Variants in NIPAL4 observed in about 807,000 individuals in gnomAD.
NIPAL4 encodes the protein NIPA like domain containing 4, also known as magnesium transporter NIPA4.
A neutral mutation model predicts 31.6 loss-of-function variants in NIPAL4; 21 were observed. The observed-to-expected ratio is 0.67, with a 90% confidence interval of 0.47 to 0.96. The LOEUF (loss-of-function observed/expected upper bound fraction) is 0.96. Ranked by LOEUF, NIPAL4 falls within the 40% of genes least tolerant of loss-of-function variation. The pLI, the probability that NIPAL4 is intolerant of heterozygous loss-of-function variation, is 0.00. For missense variants in NIPAL4, 438 were observed against 508.0 expected (o/e 0.86, Z 1.32); for synonymous variants, 175 against 211.1 (o/e 0.83, Z 1.48).
intron 4 of NIPAL4, 112 bp from the exon 5 acceptor site, chr5:157,471,545 T>C (rs1396189953): frequency 2.5e-6 from 2 of 790,298 alleles, no homozygotes; most frequent in Non-Finnish European, 3.9e-6. Flanking sequence ...CGTGAGAAAC[T>C]AGTGAGTTCT....
At chr5:157,468,135 G>A (rs1008887060) in intron 3 of NIPAL4, among the ~76,000 whole-genome samples, 2 of 150,004 alleles carry the variant, frequency 1.3e-5, no homozygotes, top group African/African-American at 4.9e-5. Flanking sequence ...GGCTGGTCTC[G>A]AACTCCCGAC....
chr5:157,463,040 A>T, intron 1 of NIPAL4, 54 bp from the exon 2 acceptor site: 5 of 1,604,104 alleles, frequency 3.1e-6, no homozygotes, highest in Admixed American at 1.7e-5. Context: ...CCAATATTTT[A>T]AAAGTGTGCA....
intron 1 of NIPAL4, among the ~76,000 whole-genome samples, chr5:157,462,705 A>G (rs989321530): frequency 7.2e-5 from 11 of 152,224 alleles, no homozygotes; most frequent in African/African-American, 2.4e-4. Flanking sequence ...AGCCTATAAA[A>G]GATTGTTGTG....
At chr5:157,460,686 T>C (rs1754075780) in intron 1 of NIPAL4, 1 of 552,738 alleles carries the variant, frequency 1.8e-6, no homozygotes, top group Non-Finnish European at 3.5e-6. Context: ...GTGTTTTTAA[T>C]GTGTAGTTGC....
chr5:157,460,569 A>C lies in NIPAL4; in HGVS notation c.37+212A>C, dbSNP rs981355643. 4.5e-6 allele frequency: 3 copies of C among 669,278 alleles called. No individual in the cohort carries two copies. In the African/African-American group the frequency reaches 5.4e-5, roughly 12 times the overall value. 41.5% of individuals were successfully genotyped at this position (669,278 alleles called of 1,614,324 possible). A position where few individuals can be genotyped will look rare whatever the true frequency, so the allele number is the denominator to read the frequency against. On this transcript the variant is annotated intron_variant, in intron 1 of 5. Transcript: ENST00000311946. The stretch of plus-strand genomic sequence containing the variant: ...GCAGCTGGGATGGCTGAGAGGAGTC[A>C]GGGAAGGAAAGTATGTCCCCTGGGT...
At position 157,460,274 on chromosome 5, in the gene NIPAL4, G is replaced by A. The variant is rs930834036; in HGVS notation, c.-47G>A. On this transcript the variant is annotated 5_prime_UTR_variant, in exon 1 of 6. Coordinates refer to ENST00000311946, the MANE Select transcript of NIPAL4 (RefSeq NM_001099287.2). The stretch of plus-strand genomic sequence containing the variant: ...CGGCCACCTGCTCCGGAGCTGGGGA[G>A]CCCGGGCGCCGTCCGCCCGCGCGTC... 4.5e-6 allele frequency: 7 copies of A among 1,545,462 alleles called. No homozygotes were observed. Among genetic ancestry groups the A allele is most frequent in the African/African-American group, 2.8e-5 (2 of 72,430 alleles).
At chr5:157,460,482 C>T (rs1581263531) in intron 1 of NIPAL4, 125 bp downstream of exon 1, 2 of 938,824 alleles carry the variant, frequency 2.1e-6, no homozygotes, top group East Asian at 2.6e-5. Context: ...AGGGCCAGCA[C>T]GAGGTGGCTC....
chr5:157,471,231 G>A (rs1251730153), intron 4 of NIPAL4, among the ~76,000 whole-genome samples: 4 of 152,156 alleles, frequency 2.6e-5, no homozygotes, highest in African/African-American at 9.7e-5. Flanking sequence ...GGTGACCCTG[G>A]CCAAGTTGCT....
intron 1 of NIPAL4, among the ~76,000 whole-genome samples, chr5:157,461,631 G>C (rs1034896139): frequency 1.3e-5 from 2 of 152,236 alleles, no homozygotes; most frequent in African/African-American, 2.4e-5. Context: ...AATGAGCAGT[G>C]CAGAACAAGT....
chr5:157,469,119 A>G (rs1207392825), intron 4 of NIPAL4, among the ~76,000 whole-genome samples: 2 of 152,166 alleles, frequency 1.3e-5, no homozygotes, highest in East Asian at 3.9e-4. Flanking sequence ...TGCAGCATAC[A>G]AGTTAAGAGC....
chr5:157,470,032 A>T (rs747574634), intron 4 of NIPAL4, among the ~76,000 whole-genome samples: 5 of 152,178 alleles, frequency 3.3e-5, no homozygotes, highest in Admixed American at 1.3e-4. Context: ...TGCGGCCAAA[A>T]TATTTTTGGT....
chr5:157,467,045 A>T lies in NIPAL4; in HGVS notation c.278-4A>T. ...TCCTAACTTTGTGTCCATTCCCTCC[A>T]CAGTGGATGGAGGCTTCGGCTACCT... On this transcript the variant is annotated splice_region_variant and splice_polypyrimidine_tract_variant and intron_variant, in intron 2 of 5. Coordinates refer to ENST00000311946, the MANE Select transcript of NIPAL4 (RefSeq NM_001099287.2). 6.2e-7 allele frequency: 1 copy of T among 1,611,604 alleles called. No homozygotes were observed. Among genetic ancestry groups the T allele is most frequent in the Non-Finnish European group, 8.5e-7 (1 of 1,177,926 alleles).
intron 1 of NIPAL4, among the ~76,000 whole-genome samples, chr5:157,461,433 T>C (rs1040572639): frequency 6.6e-6 from 1 of 152,052 alleles, no homozygotes; most frequent in Admixed American, 6.6e-5. Flanking sequence ...CCACAGAGGG[T>C]TCGTTGGCTC....
At position 157,472,639 on chromosome 5, in the gene NIPAL4, C is replaced by T. The variant is rs769336481; in HGVS notation, c.894C>T (p.Tyr298=). The change falls in exon 6 of 6, where the codon TAC becomes TAT. Residue 298 remains tyrosine, a synonymous_variant. Coordinates refer to ENST00000311946, the MANE Select transcript of NIPAL4 (RefSeq NM_001099287.2). ...ACACTTCCCTGGTGTTCCCCATCTACTACGTGTTCTTCACCACGGTGGTCG... is the reference window on the plus strand; with the variant it reads ...ACACTTCCCTGGTGTTCCCCATCTATTACGTGTTCTTCACCACGGTGGTCG... ...IFNTSLVFPI[Y]YVFFTTVVVT... The T allele has an allele frequency of 1.1e-5, 18 of 1,613,910 alleles. No homozygotes were observed. The highest frequency in any genetic ancestry group is 1.4e-5 in the Non-Finnish European group (17 of 1,179,882).
At chr5:157,462,664 A>G (rs928722980) in intron 1 of NIPAL4, among the ~76,000 whole-genome samples, 1 of 152,178 alleles carries the variant, frequency 6.6e-6, no homozygotes, top group Non-Finnish European at 1.5e-5. Context: ...AGGTTACTAA[A>G]CTTATCAGAG....
At chr5:157,468,071 A>AT (rs34935942) in intron 3 of NIPAL4, 20,810 of 141,430 alleles carry the variant, frequency 0.15, 1,530 homozygotes, top group Middle Eastern at 0.19. Context: ...CGCCTGGCTA[A>AT]TTTTTTTTTT....
intron 2 of NIPAL4, 58 bp downstream of exon 2, chr5:157,463,391 CG>C: frequency 3.3e-6 from 5 of 1,527,738 alleles, no homozygotes; most frequent in Non-Finnish European, 4.4e-6. Flanking sequence ...TCACAAGGTC[CG>C]GGGCTGTAGT....
chr5:157,463,060 A>C, intron 1 of NIPAL4, 34 bp from the exon 2 acceptor site: 1 of 1,611,922 alleles, frequency 6.2e-7, no homozygotes, highest in Non-Finnish European at 8.5e-7. Context: ...AATTGTCCCC[A>C]GTGTGACTCT....
At position 157,473,249 on chromosome 5, in the gene NIPAL4, C is replaced by T. The variant is rs984039932; in HGVS notation, c.*289C>T. 6 of 327,836 alleles carry T rather than the reference C, an allele frequency of 1.8e-5. No individual in the cohort carries two copies. The highest frequency in any genetic ancestry group is 2.8e-5 in the Non-Finnish European group (5 of 179,346). 20.3% of individuals were successfully genotyped at this position (327,836 alleles called of 1,614,324 possible). Reference sequence around the variant, plus strand: ...CATTCTTTCGGTGCCATCTCTATGCCGTTGGGAAGAAGATGGAGTCTGACC... The same window carrying T: ...CATTCTTTCGGTGCCATCTCTATGCTGTTGGGAAGAAGATGGAGTCTGACC... On this transcript the variant is annotated 3_prime_UTR_variant, in exon 6 of 6. Transcript: ENST00000311946.
Sources: gnomAD v4.1 joint callset for allele counts (sites outside exome capture counted in the v4.1 genomes callset) on GRCh38, gnomAD v4.1.1 for gene constraint, MANE v1.5 for transcripts, NCBI Gene and HGNC (gene_info 2026-07-23, HGNC 2026-07-21) for gene names.